KLHDC2: variants seen among roughly 807,000 people sequenced by gnomAD.
KLHDC2 encodes kelch domain-containing protein 2.
KLHDC2 carries 38 observed loss-of-function variants against 62.3 expected under a neutral mutation model. The ratio of observed to expected loss-of-function variants is 0.61; its 90% CI spans 0.47 to 0.80. The LOEUF (loss-of-function observed/expected upper bound fraction) is 0.80. KLHDC2 is among the 30% of genes least tolerant of loss of function. The pLI, the probability that KLHDC2 is intolerant of heterozygous loss-of-function variation, is 0.00. For missense variants in KLHDC2, 430 were observed against 495.3 expected, an observed-to-expected ratio of 0.87 and a Z score of 1.25; for synonymous variants, 159 against 161.0, an observed-to-expected ratio of 0.99 and a Z score of 0.09.
Position 49,785,017 on chromosome 14 carries a change from A to T in KLHDC2, c.*2064A>T. The T allele has an allele frequency of 6.2e-7, 1 of 1,612,308 alleles. No homozygotes were observed. On this transcript the variant is annotated 3_prime_UTR_variant, in exon 13 of 13. Coordinates refer to ENST00000298307, the MANE Select transcript of KLHDC2 (RefSeq NM_014315.3). ...GCTGTTTTTGCAGCTGTAAATACAAAAAAGAGTAAGAATAATCTACTGTTA... is the reference window on the plus strand; with the variant it reads ...GCTGTTTTTGCAGCTGTAAATACAATAAAGAGTAAGAATAATCTACTGTTA...
At chr14:49,777,372 C>G (rs1345873950) in intron 3 of KLHDC2, among the ~76,000 whole-genome samples, 1 of 151,992 alleles carries the variant, frequency 6.6e-6, no homozygotes, top group Non-Finnish European at 1.5e-5. Flanking sequence ...TAACCAAACA[C>G]CACCTGTTCC....
Position 49,770,724 on chromosome 14 carries a change from C to T in KLHDC2, c.154-870C>T, listed in dbSNP as rs967157791. On this transcript the variant is annotated intron_variant, in intron 1 of 12. Coordinates refer to ENST00000298307, the MANE Select transcript of KLHDC2 (RefSeq NM_014315.3). ...GGGTTGTTGTGAGGATTAAATAAAG[C>T]AATCCATGGATAGCTTTCAGCTGTG... Among the ~76,000 whole-genome samples the T allele has an allele frequency of 2.0e-5, 3 of 152,326 alleles. No homozygotes were observed. The East Asian group carries it at 5.8e-4, about 29-fold the overall frequency.
rs759841923 is a variant in KLHDC2, at chr14:49,782,527, CTATT to C, written c.1045-9_1045-6del. The stretch of plus-strand genomic sequence containing the variant: ...GCATTTGCTTTTAAATGTGTTCTTC[CTATT>C]TATTTTTCAGGCACACAGTAATGAA... On this transcript the variant is annotated splice_polypyrimidine_tract_variant and intron_variant, in intron 11 of 12. Transcript: ENST00000298307. 21 of 1,603,452 alleles carry C rather than the reference CTATT, an allele frequency of 1.3e-5. No homozygotes were observed. Among genetic ancestry groups the C allele is most frequent in the Middle Eastern group, 1.7e-4 (1 of 6,022 alleles).
At chr14:49,773,570 CTTTTTT>C (rs569284056) in intron 2 of KLHDC2, among the ~76,000 whole-genome samples, 1 of 74,186 alleles carries the variant, frequency 1.3e-5, no homozygotes, top group Non-Finnish European at 2.5e-5. Context: ...AAAATAATAA[CTTTTTT>C]TTTTTTTTTT....
intron 12 of KLHDC2, 25 bp downstream of exon 12, chr14:49,782,619 T>TA: frequency 1.9e-6 from 3 of 1,561,216 alleles, no homozygotes; most frequent in South Asian, 2.3e-5. Flanking sequence ...ACTTGGCACT[T>TA]AGATTATTTA....
In KLHDC2 at chr14:49,777,909, C is replaced by A; in HGVS notation, c.422C>A (p.Pro141His). Residue 141 changes from proline (P) to histidine (H), a missense_variant, in exon 4 of 13, where the codon CCT becomes CAT. Transcript: ENST00000298307. ...GAAAGAATTGATTGCCAAGGAATTC[C>A]TCCATCATCAAAGGACAAACTTGGT... is the stretch of plus-strand genomic sequence containing the variant. ...QWERIDCQGIPPSSKDKLGVW... is the reference protein window; with the variant it reads ...QWERIDCQGIHPSSKDKLGVW... The A allele has an allele frequency of 6.2e-7, 1 of 1,612,466 alleles. No individual in the cohort carries two copies.
chr14:49,782,910 G>C lies in KLHDC2; in HGVS notation c.1178G>C (p.Ser393Thr), dbSNP rs1566639739. Residue 393 changes from serine to threonine, a missense_variant, in exon 13 of 13, where the codon AGT becomes ACT. By Grantham distance (58) the Ser-to-Thr change is moderately conservative. Coordinates refer to ENST00000298307, the MANE Select transcript of KLHDC2 (RefSeq NM_014315.3). ...WNCLPKHLLH[S>T]VNQRFGSNNT... ...TGCCTTCCAAAACACTTACTTCACA[G>C]TGTTAATCAGAGGTTTGGTAGTAAC... 1.2e-6 allele frequency: 2 copies of C among 1,613,764 alleles called. No individual in the cohort carries two copies. Among genetic ancestry groups the C allele is most frequent in the Admixed American group, 3.3e-5 (2 of 59,970 alleles).
Position 49,784,770 on chromosome 14 carries a change from T to C in KLHDC2, c.*1817T>C, listed in dbSNP as rs112672433. 225 of 1,519,346 alleles carry C rather than the reference T, an allele frequency of 1.5e-4. 1 individual carries two copies. The African/African-American group carries it at 2.4e-3, about 17-fold the overall frequency. The allele number at this position is 1,519,346 out of a possible 1,614,324, so 94.1% of individuals were successfully genotyped here. A position where few individuals can be genotyped will look rare whatever the true frequency, so the allele number is the denominator to read the frequency against. ...ATCCTGTATGGTCAATCATGTTTCT[T>C]TTATGACAAAAACGAAAAACATTTC... is the stretch of plus-strand genomic sequence containing the variant. On this transcript the variant is annotated 3_prime_UTR_variant, in exon 13 of 13. Coordinates refer to ENST00000298307, the MANE Select transcript of KLHDC2 (RefSeq NM_014315.3).
chr14:49,784,694 T>G lies in KLHDC2; in HGVS notation c.*1741T>G. The G allele has an allele frequency of 6.2e-7, 1 of 1,612,912 alleles. No homozygotes were observed. The highest frequency in any genetic ancestry group is 8.5e-7 in the Non-Finnish European group (1 of 1,179,118). ...AGACACTTTCACTTTGCCAGGAATG[T>G]TTCTTGATAAATCTGTGTCCTAAAA... On this transcript the variant is annotated 3_prime_UTR_variant, in exon 13 of 13. Coordinates refer to ENST00000298307, the MANE Select transcript of KLHDC2 (RefSeq NM_014315.3).
At chr14:49,780,359 A>G (rs1212005320) in intron 9 of KLHDC2, 37 bp downstream of exon 9, 3 of 1,231,970 alleles carry the variant, frequency 2.4e-6, no homozygotes, top group Non-Finnish European at 3.6e-6. Flanking sequence ...AAATCATCAT[A>G]TATCATCCAT....
intron 10 of KLHDC2, 149 bp downstream of exon 10, chr14:49,780,924 C>G (rs1402833739): frequency 6.5e-6 from 4 of 615,326 alleles, no homozygotes; most frequent in Non-Finnish European, 1.2e-5. Context: ...CAATGTTATC[C>G]TAGTATCGAA....
intron 1 of KLHDC2, 92 bp downstream of exon 1, chr14:49,768,713 A>G (rs1594696525): frequency 8.0e-7 from 1 of 1,253,164 alleles, no homozygotes; most frequent in Non-Finnish European, 1.0e-6. Context: ...CGGGCCGCCG[A>G]GGGCGCTCCC....
intron 6 of KLHDC2, 117 bp from the exon 7 acceptor site, chr14:49,779,478 A>C (rs1766829849): frequency 3.0e-6 from 2 of 675,446 alleles, no homozygotes; most frequent in South Asian, 4.2e-5. Context: ...AGAAGTCTAC[A>C]CTCCCAACTT....
intron 1 of KLHDC2, among the ~76,000 whole-genome samples, chr14:49,770,653 T>C (rs1691934164): frequency 6.6e-6 from 1 of 152,204 alleles, no homozygotes; most frequent in Admixed American, 6.5e-5. Context: ...TTGGGCAAAT[T>C]ACTTAAACTC....
At chr14:49,774,787 A>G (rs184316139) in intron 3 of KLHDC2, 109 bp downstream of exon 3, 5 of 773,730 alleles carry the variant, frequency 6.5e-6, no homozygotes, top group Non-Finnish European at 1.2e-5. Flanking sequence ...ACAGTTAAAA[A>G]TGATGTGTAC....
At chr14:49,778,119 G>A (rs1566636015) in intron 4 of KLHDC2, 59 bp from the exon 5 acceptor site, 4 of 1,154,094 alleles carry the variant, frequency 3.5e-6, no homozygotes, top group African/African-American at 1.6e-5. Context: ...AAGATAAACT[G>A]CTTGTATCCT....
In KLHDC2 at chr14:49,784,684, G is replaced by A; in HGVS notation, c.*1731G>A. On this transcript the variant is annotated 3_prime_UTR_variant, in exon 13 of 13. Coordinates refer to ENST00000298307, the MANE Select transcript of KLHDC2 (RefSeq NM_014315.3). ...GATTGGGTGCAGACACTTTCACTTT[G>A]CCAGGAATGTTTCTTGATAAATCTG... The A allele has an allele frequency of 6.2e-7, 1 of 1,612,538 alleles. No homozygotes were observed.
chr14:49,780,505 C>G, intron 9 of KLHDC2, 183 bp downstream of exon 9: 1 of 635,454 alleles, frequency 1.6e-6, no homozygotes, highest in Admixed American at 2.8e-5. Flanking sequence ...CAATAAAGAA[C>G]CTGGAGCACT....
intron 2 of KLHDC2, among the ~76,000 whole-genome samples, chr14:49,773,931 A>G (rs969650280): frequency 6.6e-6 from 1 of 152,222 alleles, no homozygotes; most frequent in East Asian, 1.9e-4. Context: ...TTTAGCAAAG[A>G]TAAATATTAT....
Sources: gnomAD v4.1 joint callset for allele counts (sites outside exome capture counted in the v4.1 genomes callset) on GRCh38, gnomAD v4.1.1 for gene constraint, MANE v1.5 for transcripts, NCBI Gene and HGNC (gene_info 2026-07-23, HGNC 2026-07-21) for gene names.